TSC1: variants seen among roughly 807,000 people sequenced by gnomAD.
TSC1 encodes TSC complex subunit 1, also known as hamartin.
In TSC1, 20 loss-of-function variants were observed where a neutral mutation model predicts 124.3. The ratio of observed to expected loss-of-function variants is 0.16; its 90% confidence interval spans 0.11 to 0.23. The LOEUF (loss-of-function observed/expected upper bound fraction) is 0.23, where lower values mean the gene tolerates loss of function less well. Among genes scored for constraint, TSC1 ranks in the 10% least tolerant of loss-of-function variants. The pLI is 1.00. For missense variants in TSC1, 1,124 were observed against 1,448.5 expected, an observed-to-expected ratio of 0.78 and a Z score of 3.64; for synonymous variants, 493 against 539.1, an observed-to-expected ratio of 0.91 and a Z score of 1.19.
rs938511038 is a variant in TSC1, at chr9:132,900,738, T to C, written c.2602A>G (p.Asn868Asp). ...ACCTTTGTGGTATCTGAGTGCTTGT[T>C]CTGCAGTTGTTCCAAATAGAGCTCG... ...VNELYLEQLQNKHSDTTKEVE... is the reference protein window; with the variant it reads ...VNELYLEQLQDKHSDTTKEVE... Residue 868 changes from asparagine to aspartate, a missense_variant, in exon 20 of 23, where the codon AAC becomes GAC. Asn to Asp is a conservative substitution (Grantham distance 23, BLOSUM62 1). Around this residue, in one of 5 missense-constraint regions of TSC1, gnomAD observed 325 missense variants for 383.4 expected, o/e 0.85. Transcript: ENST00000298552. 1 of 1,614,056 alleles carries C rather than the reference T, an allele frequency of 6.2e-7. No homozygotes were observed. The highest frequency in any genetic ancestry group is 1.3e-5 in the African/African-American group (1 of 74,916).
intron 15 of TSC1, among the ~76,000 whole-genome samples, chr9:132,904,739 C>A (rs1845569634): frequency 6.6e-6 from 1 of 152,230 alleles, no homozygotes; most frequent in Non-Finnish European, 1.5e-5. Flanking sequence ...AGCTGCACTG[C>A]ATACACCGTG....
rs576114208 is a variant in TSC1, at chr9:132,893,647, T to C, written c.*2588A>G. On this transcript the variant is annotated 3_prime_UTR_variant, in exon 23 of 23. Transcript: ENST00000298552. ...GTCAGGTGGGGATCCGAGTAGGTTA[T>C]GCACATTGGCCAAACAGCTGAGACA... 4.3e-6 allele frequency: 1 copy of C among 233,230 alleles called. No individual in the cohort carries two copies. The highest frequency in any genetic ancestry group is 2.2e-5 in the African/African-American group (1 of 45,478). 14.4% of individuals were successfully genotyped at this position (233,230 alleles called of 1,614,324 possible). A position where few individuals can be genotyped will look rare whatever the true frequency, so the allele number is the denominator to read the frequency against.
intron 8 of TSC1, among the ~76,000 whole-genome samples, chr9:132,916,066 G>A (rs1846258845): frequency 6.6e-6 from 1 of 152,160 alleles, no homozygotes; most frequent in Non-Finnish European, 1.5e-5. Context: ...TTTAATCAAA[G>A]TAATTTATGC....
chr9:132,911,259 G>T lies in TSC1; in HGVS notation c.1030-146C>A, dbSNP rs958808637. On this transcript the variant is annotated intron_variant, in intron 10 of 22. Coordinates refer to ENST00000298552, the MANE Select transcript of TSC1 (RefSeq NM_000368.5). ...TTAAAAGCGTATCAAGAAACAAGTTGCATTTTGTAAATCAAGACTTCAAGA... is the reference window on the plus strand; with the variant it reads ...TTAAAAGCGTATCAAGAAACAAGTTTCATTTTGTAAATCAAGACTTCAAGA... 26 of 832,056 alleles carry T rather than the reference G, an allele frequency of 3.1e-5. No homozygotes were observed. In the African/African-American group the frequency reaches 3.4e-4, roughly 11 times the overall value. The allele number at this position is 832,056 out of a possible 1,614,324, so 51.5% of individuals were successfully genotyped here. A position where few individuals can be genotyped will look rare whatever the true frequency, so the allele number is the denominator to read the frequency against.
In TSC1 at chr9:132,925,310, G is replaced by A. The variant is rs11243935; in HGVS notation, c.363+277C>T. Reference sequence around the variant, plus strand: ...GTTTTTAAATGAGGGAAGGCTAAACGATGACGAAATCAAGAGGTTTGGAAT... The same window carrying A: ...GTTTTTAAATGAGGGAAGGCTAAACAATGACGAAATCAAGAGGTTTGGAAT... On this transcript the variant is annotated intron_variant, in intron 5 of 22. Transcript: ENST00000298552. Among the ~76,000 whole-genome samples, 260 of 152,278 alleles carry A rather than the reference G, an allele frequency of 1.7e-3. 1 individual carries two copies. The highest frequency in any genetic ancestry group is 5.8e-3 in the African/African-American group (243 of 41,560).
At position 132,921,994 on chromosome 9, in the gene TSC1, G is replaced by A. The variant is rs780548214; in HGVS notation, c.509-21C>T. 5.0e-6 allele frequency: 8 copies of A among 1,613,888 alleles called. No individual in the cohort carries two copies. In the Admixed American group the frequency reaches 1.2e-4, roughly 24 times the overall value. ...GTGGCCTAGAAAAGGAACCCGTTGA[G>A]AAGAGCCTCTTAGTTGGAGACAGAT... On this transcript the variant is annotated intron_variant, in intron 6 of 22. Coordinates refer to ENST00000298552, the MANE Select transcript of TSC1 (RefSeq NM_000368.5). The surrounding 1 kb of genome is among the most constrained non-coding windows in gnomAD (Gnocchi z 4.3).
At position 132,894,705 on chromosome 9, in the gene TSC1, A is replaced by G; in HGVS notation, c.*1530T>C. Reference sequence around the variant, plus strand: ...TTTATTGCCATGCTAAAAAAAAAAAAAAAAAAAAAAGACTTTCATTCTCTC... The same window carrying G: ...TTTATTGCCATGCTAAAAAAAAAAAGAAAAAAAAAAGACTTTCATTCTCTC... On this transcript the variant is annotated 3_prime_UTR_variant, in exon 23 of 23. Coordinates refer to ENST00000298552, the MANE Select transcript of TSC1 (RefSeq NM_000368.5). 5.1e-6 allele frequency: 1 copy of G among 196,410 alleles called. No homozygotes were observed. The highest frequency in any genetic ancestry group is 7.8e-5 in the East Asian group (1 of 12,794). 12.2% of individuals were successfully genotyped at this position (196,410 alleles called of 1,614,324 possible).
Position 132,894,270 on chromosome 9 carries a change from AAAGGCTTT to A in TSC1, c.*1957_*1964del, listed in dbSNP as rs1387421864. On this transcript the variant is annotated 3_prime_UTR_variant, in exon 23 of 23. Coordinates refer to ENST00000298552, the MANE Select transcript of TSC1 (RefSeq NM_000368.5). ...GCCTCTTTTCCTTTCCAATTCAGGA[AAAGGCTTT>A]AAGTGCCTGGTATCTTGTTCTATGG... The A allele has an allele frequency of 4.3e-6, 1 of 231,556 alleles. No homozygotes were observed. The highest frequency in any genetic ancestry group is 8.6e-6 in the Non-Finnish European group (1 of 116,950). The allele number at this position is 231,556 out of a possible 1,614,324, so 14.3% of individuals were successfully genotyped here.
In TSC1 at chr9:132,923,242, C is replaced by T; in HGVS notation, c.508+106G>A. The T allele has an allele frequency of 4.1e-6, 6 of 1,475,796 alleles. No individual in the cohort carries two copies. The highest frequency in any genetic ancestry group is 5.5e-6 in the Non-Finnish European group (6 of 1,096,596). The allele number at this position is 1,475,796 out of a possible 1,614,324, so 91.4% of individuals were successfully genotyped here. A position where few individuals can be genotyped will look rare whatever the true frequency, so the allele number is the denominator to read the frequency against. ...TCTGTCTGGTGAAAACCACTCATTT[C>T]AGCTATAAAAGTCTACATGTCCATT... On this transcript the variant is annotated intron_variant, in intron 6 of 22. Coordinates refer to ENST00000298552, the MANE Select transcript of TSC1 (RefSeq NM_000368.5). The surrounding 1 kb of genome is among the most constrained non-coding windows in gnomAD (Gnocchi z 4.2).
At position 132,928,679 on chromosome 9, in the gene TSC1, A is replaced by T. The variant is rs187036615; in HGVS notation, c.106+88T>A. The T allele has an allele frequency of 8.3e-6, 13 of 1,558,110 alleles. No individual in the cohort carries two copies. The East Asian group carries it at 2.5e-4, about 30-fold the overall frequency. The stretch of plus-strand genomic sequence containing the variant: ...TTAAAAAACTTTTCAGAAGATGAAA[A>T]CTAAAATGTATCAGCAGGATTCTAG... On this transcript the variant is annotated intron_variant, in intron 3 of 22. Transcript: ENST00000298552.
chr9:132,925,823 C>T (rs1846830076), intron 4 of TSC1, 84 bp from the exon 5 acceptor site: 5 of 1,538,580 alleles, frequency 3.2e-6, no homozygotes, highest in African/African-American at 2.7e-5. Context: ...GTGCTCCAAT[C>T]TCTCAAGTCT....
Position 132,893,401 on chromosome 9 carries a change from C to T in TSC1, c.*2834G>A, listed in dbSNP as rs1039353969. 9 of 233,104 alleles carry T rather than the reference C, an allele frequency of 3.9e-5. No homozygotes were observed. Among genetic ancestry groups the T allele is most frequent in the African/African-American group, 2.0e-4 (9 of 45,300 alleles). 14.4% of individuals were successfully genotyped at this position (233,104 alleles called of 1,614,324 possible). A position where few individuals can be genotyped will look rare whatever the true frequency, so the allele number is the denominator to read the frequency against. On this transcript the variant is annotated 3_prime_UTR_variant, in exon 23 of 23. Coordinates refer to ENST00000298552, the MANE Select transcript of TSC1 (RefSeq NM_000368.5). ...ATCCCATAATAACAATTTTTATAGA[C>T]TGTATAGCAGAGCCTTGTCAACGGC...
rs577059101 is a variant in TSC1, at chr9:132,913,758, G to A, written c.738-1301C>T. Among the ~76,000 whole-genome samples, 26 of 148,880 alleles carry A rather than the reference G, an allele frequency of 1.7e-4. No homozygotes were observed. In the South Asian group the frequency reaches 5.6e-3, roughly 32 times the overall value. ...GGAGAATGGCGTGAACCCAGGAGGCGGAATTTGCAGTGAGCCGAGATTACG... is the reference window on the plus strand; with the variant it reads ...GGAGAATGGCGTGAACCCAGGAGGCAGAATTTGCAGTGAGCCGAGATTACG... On this transcript the variant is annotated intron_variant, in intron 8 of 22. Coordinates refer to ENST00000298552, the MANE Select transcript of TSC1 (RefSeq NM_000368.5).
In TSC1 at chr9:132,906,164, G is replaced by T. The variant is rs397514813; in HGVS notation, c.1439-25C>A. 9.3e-6 allele frequency: 15 copies of T among 1,607,718 alleles called. No homozygotes were observed. Among genetic ancestry groups the T allele is most frequent in the Admixed American group, 6.7e-5 (4 of 59,410 alleles). ...GCTGAGAGGAAGAGAGGAAACAAAA[G>T]AAATGGCAGTCGGTATTCCACCTGG... On this transcript the variant is annotated intron_variant, in intron 14 of 22. Coordinates refer to ENST00000298552, the MANE Select transcript of TSC1 (RefSeq NM_000368.5). The surrounding 1 kb of genome is among the most constrained non-coding windows in gnomAD (Gnocchi z 4.1).
chr9:132,935,241 T>C (rs1175329379), intron 1 of TSC1, 146 bp from the exon 2 acceptor site: 3 of 395,542 alleles, frequency 7.6e-6, no homozygotes, highest in Admixed American at 4.4e-5. Context: ...CTCATAATCA[T>C]TGGAAGCACG....
chr9:132,897,215 TTTC>T lies in TSC1; in HGVS notation c.2941_2943del (p.Glu981del), dbSNP rs1233796412. On this transcript the variant is annotated inframe_deletion, in exon 22 of 23. Coordinates refer to ENST00000298552, the MANE Select transcript of TSC1 (RefSeq NM_000368.5). ...TCTGCTGCTTCAGCTGCTTCTGCTT[TTTC>T]TTCTTCAAGTTTTTTCAGGAGGCCA... 1 of 1,614,190 alleles carries T rather than the reference TTTC, an allele frequency of 6.2e-7. No individual in the cohort carries two copies.
upstream of TSC1, chr9:132,945,340 C>G (rs941887069): frequency 6.6e-6 from 1 of 152,270 alleles, no homozygotes; most frequent in Non-Finnish European, 1.5e-5. Context: ...GGGAAACCAG[C>G]CCTAATAGGA....
chr9:132,912,885 G>A (rs7875558), intron 8 of TSC1: 26,505 of 184,830 alleles, frequency 0.14, 2,068 homozygotes, highest in African/African-American at 0.21. Flanking sequence ...ATCCATCCCT[G>A]GACCAGAAAC....
chr9:132,899,631 C>T (rs1326880733), intron 20 of TSC1: 2 of 152,172 alleles, frequency 1.3e-5, no homozygotes, highest in South Asian at 2.1e-4. Context: ...CATGTGTCAC[C>T]GTGCCCAGCC....
Sources: allele counts gnomAD v4.1 joint callset (sites outside exome capture counted in the v4.1 genomes callset), GRCh38; gene constraint gnomAD v4.1.1; regional missense constraint gnomAD v4.1.1; non-coding constraint Gnocchi (gnomAD v3.1); transcripts MANE v1.5; gene names NCBI Gene and HGNC (gene_info 2026-07-23, HGNC 2026-07-21).